The following GUCA1A variants were observed in gnomAD, a reference collection of about 807,000 sequenced individuals.
The protein encoded by GUCA1A is guanylyl cyclase-activating protein 1.
Under a neutral mutation model 18.5 loss-of-function variants are expected in GUCA1A, and 14 were observed. That is an observed-to-expected ratio of 0.76 (90% confidence interval 0.50 to 1.18). The LOEUF is 1.18. GUCA1A is among the 50% of genes most tolerant of loss of function. The pLI is 0.00. For missense variants in GUCA1A, 264 were observed against 262.4 expected, an observed-to-expected ratio of 1.01 and a Z score of -0.04; for synonymous variants, 97 against 100.2, an observed-to-expected ratio of 0.97 and a Z score of 0.19.
In GUCA1A at chr6:42,179,306, T is replaced by C; in HGVS notation, c.509T>C (p.Leu170Pro). 1 of 1,613,736 alleles carries C rather than the reference T, an allele frequency of 6.2e-7. No individual in the cohort carries two copies. Among genetic ancestry groups the C allele is most frequent in the Non-Finnish European group, 8.5e-7 (1 of 1,179,696 alleles). Residue 170 changes from leucine to proline, a missense_variant, in exon 4 of 4, where the codon CTG becomes CCG. Transcript: ENST00000372958. ...AAGGACCAGATGCTCCTGGACACAC[T>C]GACACGAAGCCTGGACCTTACCCGC... is the stretch of plus-strand genomic sequence containing the variant. Reference protein sequence around the residue: ...VQKDQMLLDTLTRSLDLTRIV... With the variant: ...VQKDQMLLDTPTRSLDLTRIV...
chr6:42,178,230 G>C lies in GUCA1A; in HGVS notation c.202-50G>C. 1.9e-6 allele frequency: 3 copies of C among 1,607,546 alleles called. No homozygotes were observed. The Admixed American group carries it at 5.0e-5, about 27-fold the overall frequency. On this transcript the variant is annotated intron_variant, in intron 1 of 3. Coordinates refer to ENST00000372958, the MANE Select transcript of GUCA1A (RefSeq NM_001384910.1). ...GTTATGATGGGCGGGGCCTGAGGCT[G>C]GAGTGAGCGGGGCCCGGATGGGCTC... is the stretch of plus-strand genomic sequence containing the variant.
rs9471793 is a variant in GUCA1A at position 42,173,531 on chromosome 6, G to A, written c.-83G>A. On this transcript the variant is annotated 5_prime_UTR_variant, in exon 1 of 4. Coordinates refer to ENST00000372958, the MANE Select transcript of GUCA1A (RefSeq NM_001384910.1). Reference sequence around the variant, plus strand: ...CAGGCCTGTGAGAGAGGACGGCCCCGTTGTCGGCCAAGACACCTTTGGGCG... The same window carrying A: ...CAGGCCTGTGAGAGAGGACGGCCCCATTGTCGGCCAAGACACCTTTGGGCG... 0.12 allele frequency: 138,121 copies of A among 1,122,758 alleles called. 10,390 individuals carry two copies. The highest frequency in any genetic ancestry group is 0.32 in the African/African-American group (20,814 of 65,554). The allele number at this position is 1,122,758 out of a possible 1,614,324, so 69.5% of individuals were successfully genotyped here.
chr6:42,176,528 G>A (rs1036292785), intron 1 of GUCA1A, among the ~76,000 whole-genome samples: 3 of 152,130 alleles, frequency 2.0e-5, no homozygotes, highest in African/African-American at 7.2e-5. Flanking sequence ...CCACCTCCTG[G>A]GTTCAAGTGA....
At position 42,179,240 on chromosome 6, in the gene GUCA1A, C is replaced by T. The variant is rs1345964901; in HGVS notation, c.446-3C>T. The stretch of plus-strand genomic sequence containing the variant: ...CCCCTGATTCCCTTTCTCTCTACCC[C>T]AGGGGAACTCTCCCTGGAAGAGTTT... On this transcript the variant is annotated splice_polypyrimidine_tract_variant and splice_region_variant and intron_variant, in intron 3 of 3. Coordinates refer to ENST00000372958, the MANE Select transcript of GUCA1A (RefSeq NM_001384910.1). The T allele has an allele frequency of 6.2e-7, 1 of 1,612,708 alleles. No individual in the cohort carries two copies. Among genetic ancestry groups the T allele is most frequent in the Non-Finnish European group, 8.5e-7 (1 of 1,178,836 alleles).
In GUCA1A at chr6:42,178,805, A is replaced by G. The variant is rs761981224; in HGVS notation, c.355A>G (p.Ile119Val). Reference sequence around the variant, plus strand: ...TCTGCCCCTTCTTCCCTCCCAGGCCATTCGCGCCATTAACCCCTGCAGCGA... The same window carrying G: ...TCTGCCCCTTCTTCCCTCCCAGGCCGTTCGCGCCATTAACCCCTGCAGCGA... The part of the protein sequence containing the change: ...RDELLTIIQA[I>V]RAINPCSDTT... The change falls in exon 3 of 4, where the codon ATT becomes GTT. Residue 119 changes from isoleucine (I) to valine (V), a missense_variant. Coordinates refer to ENST00000372958, the MANE Select transcript of GUCA1A (RefSeq NM_001384910.1). 1.2e-6 allele frequency: 2 copies of G among 1,611,342 alleles called. No individual in the cohort carries two copies. Among genetic ancestry groups the G allele is most frequent in the South Asian group, 2.2e-5 (2 of 91,020 alleles).
At position 42,178,417 on chromosome 6, in the gene GUCA1A, C is replaced by A. The variant is rs1768019074; in HGVS notation, c.339C>A (p.Leu113=). ...GCTGCATTGACCGCGATGAGCTGCT[C>A]ACCATCATCCAGGTGCAGAGGGCCC... ...GNGCIDRDEL[L]TIIQAIRAIN... is the part of the protein sequence containing the mutation. The change falls in exon 2 of 4, where the codon CTC becomes CTA. Residue 113 remains leucine, a synonymous_variant. Transcript: ENST00000372958. 6.2e-7 allele frequency: 1 copy of A among 1,613,872 alleles called. No individual in the cohort carries two copies. The highest frequency in any genetic ancestry group is 8.5e-7 in the Non-Finnish European group (1 of 1,179,866).
Position 42,173,533 on chromosome 6 carries a change from T to C in GUCA1A, c.-81T>C, listed in dbSNP as rs1259405485. The stretch of plus-strand genomic sequence containing the variant: ...GGCCTGTGAGAGAGGACGGCCCCGT[T>C]GTCGGCCAAGACACCTTTGGGCGAG... On this transcript the variant is annotated 5_prime_UTR_variant, in exon 1 of 4. Coordinates refer to ENST00000372958, the MANE Select transcript of GUCA1A (RefSeq NM_001384910.1). 2.6e-6 allele frequency: 3 copies of C among 1,146,690 alleles called. No individual in the cohort carries two copies. Among genetic ancestry groups the C allele is most frequent in the Non-Finnish European group, 3.9e-6 (3 of 759,556 alleles). The allele number at this position is 1,146,690 out of a possible 1,614,324, so 71.0% of individuals were successfully genotyped here. A position where few individuals can be genotyped will look rare whatever the true frequency, so the allele number is the denominator to read the frequency against.
At position 42,173,818 on chromosome 6, in the gene GUCA1A, A is replaced by G. The variant is rs756222337; in HGVS notation, c.201+4A>G. On this transcript the variant is annotated splice_donor_region_variant and intron_variant, in intron 1 of 3. Coordinates refer to ENST00000372958, the MANE Select transcript of GUCA1A (RefSeq NM_001384910.1). ...TGAGACTTTTGACTTCAACAAGGTG[A>G]GCAGGGGCCCAGTGGCAGGGAGGGG... 6.8e-6 allele frequency: 11 copies of G among 1,610,054 alleles called. No individual in the cohort carries two copies. In the East Asian group the frequency reaches 2.5e-4, roughly 36 times the overall value.
rs1307424075 is a variant in GUCA1A at position 42,173,679 on chromosome 6, C to A, written c.66C>A (p.Tyr22Ter). The A allele has an allele frequency of 2.7e-5, 43 of 1,614,022 alleles. No individual in the cohort carries two copies. Among genetic ancestry groups the A allele is most frequent in the Non-Finnish European group, 3.6e-5 (43 of 1,179,836 alleles). Reference sequence around the variant, plus strand: ...GCAGCACCGAGTGCCACCAGTGGTACAAGAAGTTCATGACTGAGTGCCCCT... The same window carrying A: ...GCAGCACCGAGTGCCACCAGTGGTAAAAGAAGTTCATGACTGAGTGCCCCT... Reference protein sequence around the residue: ...ELSSTECHQWYKKFMTECPSG... With the variant: ...ELSSTECHQW Residue 22 changes from tyrosine to a stop codon, truncating the protein, a stop_gained, in exon 1 of 4, where the codon TAC becomes TAA. Transcript: ENST00000372958. LOFTEE classifies it high-confidence loss of function.
At chr6:42,173,882 G>T in intron 1 of GUCA1A, 68 bp downstream of exon 1, 1 of 1,192,468 alleles carries the variant, frequency 8.4e-7, no homozygotes, top group Non-Finnish European at 1.3e-6. Flanking sequence ...TGACCAGCTG[G>T]GGGTGAGGAA....
chr6:42,175,651 C>T (rs556315686), intron 1 of GUCA1A, among the ~76,000 whole-genome samples: 42 of 152,296 alleles, frequency 2.8e-4, no homozygotes, highest in African/African-American at 9.6e-4. Flanking sequence ...AGGCGTGAGC[C>T]ACCACGCTGA....
At chr6:42,177,414 A>C (rs566103628) in intron 1 of GUCA1A, among the ~76,000 whole-genome samples, 6 of 152,170 alleles carry the variant, frequency 3.9e-5, no homozygotes. Context: ...GCATACCACA[A>C]TCTTGAAAAG....
chr6:42,179,155 C>A (rs988633002), intron 3 of GUCA1A, 88 bp from the exon 4 acceptor site: 21 of 1,255,232 alleles, frequency 1.7e-5, no homozygotes, highest in Non-Finnish European at 2.1e-5. Flanking sequence ...TGGGCTCTGT[C>A]CCTGCCCCTG....
chr6:42,179,238 C>T lies in GUCA1A; in HGVS notation c.446-5C>T, dbSNP rs199664320. 6.2e-7 allele frequency: 1 copy of T among 1,611,574 alleles called. No homozygotes were observed. The highest frequency in any genetic ancestry group is 1.3e-5 in the African/African-American group (1 of 74,976). On this transcript the variant is annotated splice_polypyrimidine_tract_variant and splice_region_variant and intron_variant, in intron 3 of 3. Coordinates refer to ENST00000372958, the MANE Select transcript of GUCA1A (RefSeq NM_001384910.1). ...TCCCCCTGATTCCCTTTCTCTCTAC[C>T]CCAGGGGAACTCTCCCTGGAAGAGT... is the stretch of plus-strand genomic sequence containing the variant.
At chr6:42,179,100 C>T (rs1387625098) in intron 3 of GUCA1A, 143 bp from the exon 4 acceptor site, 1 of 921,666 alleles carries the variant, frequency 1.1e-6, no homozygotes, top group African/African-American at 1.6e-5. Flanking sequence ...CTCTGGGTTC[C>T]TCTGCTTGCT....
chr6:42,179,378 A>G lies in GUCA1A; in HGVS notation c.581A>G (p.Asp194Gly). ...QNGEQDEEGA[D>G]EAAEAAG ...GGCGAGCAAGACGAGGAGGGGGCTG[A>G]CGAGGCCGCTGAGGCAGCCGGCTGA... The change falls in exon 4 of 4, where the codon GAC (aspartate) becomes GGC (glycine). Residue 194 changes from aspartate (D) to glycine (G), a missense_variant. Physicochemically the swap from Asp to Gly is moderately conservative, Grantham distance 94 (BLOSUM62 -1). Coordinates refer to ENST00000372958, the MANE Select transcript of GUCA1A (RefSeq NM_001384910.1). 6.2e-7 allele frequency: 1 copy of G among 1,606,344 alleles called. No individual in the cohort carries two copies. The highest frequency in any genetic ancestry group is 1.7e-5 in the Admixed American group (1 of 59,240).
At position 42,179,023 on chromosome 6, in the gene GUCA1A, C is replaced by A. The variant is rs1768040111; in HGVS notation, c.445+128C>A. ...GGCCCAAAGGCCCCCGTGCTGGTCA[C>A]TTCCTCCACCTGCCTCTGCCCCAGC... On this transcript the variant is annotated intron_variant, in intron 3 of 3. Transcript: ENST00000372958. The A allele has an allele frequency of 1.3e-4, 114 of 886,830 alleles. No individual in the cohort carries two copies. In the South Asian group the frequency reaches 1.5e-3, roughly 12 times the overall value. 54.9% of individuals were successfully genotyped at this position (886,830 alleles called of 1,614,324 possible).
chr6:42,175,353 CTT>C (rs10559617), intron 1 of GUCA1A, among the ~76,000 whole-genome samples: 283 of 63,888 alleles, frequency 4.4e-3, no homozygotes, highest in African/African-American at 0.012. Context: ...CTAATCATGT[CTT>C]TTTTTTTTTT....
At chr6:42,178,635 G>A (rs528822187) in intron 2 of GUCA1A, 167 bp from the exon 3 acceptor site, 55 of 815,178 alleles carry the variant, frequency 6.7e-5, no homozygotes, top group South Asian at 3.8e-4. Flanking sequence ...ACCAAAAGAC[G>A]ATAGAAGTTT....
Sources: gnomAD v4.1 joint callset for allele counts (sites outside exome capture counted in the v4.1 genomes callset) on GRCh38, gnomAD v4.1.1 for gene constraint, MANE v1.5 for transcripts, NCBI Gene and HGNC (gene_info 2026-07-23, HGNC 2026-07-21) for gene names.